AHDC1: variants seen among roughly 807,000 people sequenced by gnomAD.
The protein encoded by AHDC1 is transcription factor Gibbin.
In AHDC1, 7 loss-of-function variants were observed where a neutral mutation model predicts 87.9. The ratio of observed to expected loss-of-function variants is 0.08; its 90% CI spans 0.05 to 0.15. The LOEUF is 0.15. AHDC1 is among the 10% of genes least tolerant of loss of function. The pLI is 1.00. For missense variants in AHDC1, 1,841 were observed against 2,253.2 expected (o/e 0.82, Z 3.70); for synonymous variants, 1,051 against 1,006.8 (o/e 1.04, Z -0.83).
chr1:27,597,814 T>A (rs2089418708), intron 3 of AHDC1, among the ~76,000 whole-genome samples: 2 of 152,048 alleles, frequency 1.3e-5, no homozygotes, highest in African/African-American at 4.8e-5. Context: ...CCTTTCTTTA[T>A]CTCTTCCTGT....
At position 27,551,132 on chromosome 1, in the gene AHDC1, C is replaced by T; in HGVS notation, c.984G>A (p.Leu328=). ...DTLPDSLESQ[L]LDPQALDPLP... is the part of the protein sequence containing the mutation. Reference sequence around the variant, plus strand: ...GGGGGTCGAGTGCCTGGGGGTCAAGCAGCTGCGACTCCAAGGAGTCAGGCA... The same window carrying T: ...GGGGGTCGAGTGCCTGGGGGTCAAGTAGCTGCGACTCCAAGGAGTCAGGCA... Residue 328 remains leucine, a synonymous_variant, in exon 8 of 9, where the codon CTG becomes CTA. Transcript: ENST00000673934. The T allele has an allele frequency of 6.3e-7, 1 of 1,594,744 alleles. No individual in the cohort carries two copies. Among genetic ancestry groups the T allele is most frequent in the Non-Finnish European group, 8.5e-7 (1 of 1,170,752 alleles).
Position 27,590,182 on chromosome 1 carries a change from C to T in AHDC1, c.-629+13215G>A, listed in dbSNP as rs1255337882. Among the ~76,000 whole-genome samples, 1 of 152,198 alleles carries T rather than the reference C, an allele frequency of 6.6e-6. No homozygotes were observed. The highest frequency in any genetic ancestry group is 1.9e-4 in the East Asian group (1 of 5,192). On this transcript the variant is annotated intron_variant, in intron 3 of 8. Transcript: ENST00000673934. This position sits in a 1 kb window ranked among gnomAD's most constrained non-coding sequence, Gnocchi z 5.4. ...TTTTCCATCTCTCAGCAACAAGATT[C>T]CTGGTGAGCAGGCTGCGGGGTTTGG... is the stretch of plus-strand genomic sequence containing the variant.
At position 27,558,781 on chromosome 1, in the gene AHDC1, C is replaced by A; in HGVS notation, c.-526G>T. On this transcript the variant is annotated 5_prime_UTR_variant, in exon 4 of 9. Transcript: ENST00000673934. This position sits in a 1 kb window ranked among gnomAD's most constrained non-coding sequence, Gnocchi z 5.6. ...ATCAGCATCTCCAGGGTGGTCTCTG[C>A]AACGGCCTGAGCGTCGCCCCGCACT... 2.5e-6 allele frequency: 1 copy of A among 398,690 alleles called. No homozygotes were observed. Among genetic ancestry groups the A allele is most frequent in the Non-Finnish European group, 4.4e-6 (1 of 226,092 alleles). The allele number at this position is 398,690 out of a possible 1,614,324, so 24.7% of individuals were successfully genotyped here. A position where few individuals can be genotyped will look rare whatever the true frequency, so the allele number is the denominator to read the frequency against.
At chr1:27,580,667 G>A (rs1197142685) in intron 3 of AHDC1, among the ~76,000 whole-genome samples, 1 of 152,158 alleles carries the variant, frequency 6.6e-6, no homozygotes, top group African/African-American at 2.4e-5. Flanking sequence ...TATTTCACAG[G>A]TTGTTGTATA....
At chr1:27,553,741 C>T (rs866447182) in intron 5 of AHDC1, among the ~76,000 whole-genome samples, 10 of 152,230 alleles carry the variant, frequency 6.6e-5, no homozygotes, top group African/African-American at 2.2e-4. Flanking sequence ...ACACTCAGAA[C>T]AGCACATGGC....
intron 3 of AHDC1, among the ~76,000 whole-genome samples, chr1:27,574,806 T>G (rs1329519123): frequency 6.6e-6 from 1 of 152,158 alleles, no homozygotes; most frequent in Non-Finnish European, 1.5e-5. Flanking sequence ...ACCTCTTTCC[T>G]TCCCCAAGCC....
At chr1:27,564,511 A>G (rs901168301) in intron 3 of AHDC1, among the ~76,000 whole-genome samples, 1 of 152,174 alleles carries the variant, frequency 6.6e-6, no homozygotes, top group African/African-American at 2.4e-5. Context: ...AAGAAATGGG[A>G]AGCTTCTGAT....
At chr1:27,566,487 C>T (rs1217284123) in intron 3 of AHDC1, among the ~76,000 whole-genome samples, 2 of 151,844 alleles carry the variant, frequency 1.3e-5, no homozygotes, top group East Asian at 3.9e-4. Context: ...GAGGAGTCTG[C>T]ACAGACAGGC....
chr1:27,571,714 C>T (rs921551411), intron 3 of AHDC1, among the ~76,000 whole-genome samples: 3 of 152,126 alleles, frequency 2.0e-5, no homozygotes, highest in African/African-American at 7.2e-5. Context: ...GGGGCTGGCC[C>T]CCAGCCCCCT....
chr1:27,547,955 G>A lies in AHDC1; in HGVS notation c.4161C>T (p.Pro1387=), dbSNP rs764216089. 2 of 1,596,518 alleles carry A rather than the reference G, an allele frequency of 1.3e-6. No individual in the cohort carries two copies. Among genetic ancestry groups the A allele is most frequent in the South Asian group, 1.1e-5 (1 of 89,090 alleles). ...TCTGCAGGCCGGCGTCAAACACCGT[G>A]GGTGGGTGGGCCAGCGGTGGGAAAT... ...GKHFPPLAHP[P]TVFDAGLQKA... The change falls in exon 8 of 9, where the codon CCC becomes CCT. Residue 1387 remains proline (P), a synonymous_variant. Transcript: ENST00000673934. The surrounding 1 kb of genome is among the most constrained non-coding windows in gnomAD (Gnocchi z 4.9).
intron 3 of AHDC1, among the ~76,000 whole-genome samples, chr1:27,602,802 T>C (rs1202337743): frequency 2.0e-5 from 3 of 150,970 alleles, no homozygotes; most frequent in African/African-American, 7.3e-5. Context: ...CGCCCCCAAA[T>C]CCCTCCTCCG....
chr1:27,594,000 G>A lies in AHDC1; in HGVS notation c.-629+9397C>T, dbSNP rs1039010001. Among the ~76,000 whole-genome samples the A allele has an allele frequency of 7.9e-5, 12 of 152,160 alleles. No individual in the cohort carries two copies. The highest frequency in any genetic ancestry group is 2.7e-4 in the African/African-American group (11 of 41,414). ...CACGAGGGACCTCTAGGAAAGAGAA[G>A]GGATTTGGGGGCTGTGAGCAATACC... On this transcript the variant is annotated intron_variant, in intron 3 of 8. Coordinates refer to ENST00000673934, the MANE Select transcript of AHDC1 (RefSeq NM_001371928.1). This position sits in a 1 kb window ranked among gnomAD's most constrained non-coding sequence, Gnocchi z 4.9.
chr1:27,566,044 C>T (rs987376912), intron 3 of AHDC1, among the ~76,000 whole-genome samples: 6 of 152,176 alleles, frequency 3.9e-5, no homozygotes, highest in African/African-American at 1.4e-4. Flanking sequence ...TGGAGCCCTG[C>T]CCCCTGCACC....
rs954647610 is a variant in AHDC1 at position 27,561,354 on chromosome 1, A to C, written c.-628-2471T>G. Among the ~76,000 whole-genome samples, 4 of 147,394 alleles carry C rather than the reference A, an allele frequency of 2.7e-5. No individual in the cohort carries two copies. Among genetic ancestry groups the C allele is most frequent in the East Asian group, 1.9e-4 (1 of 5,178 alleles). On this transcript the variant is annotated intron_variant, in intron 3 of 8. Coordinates refer to ENST00000673934, the MANE Select transcript of AHDC1 (RefSeq NM_001371928.1). The surrounding 1 kb of genome is among the most constrained non-coding windows in gnomAD (Gnocchi z 4.2). The stretch of plus-strand genomic sequence containing the variant: ...GCCTGGCCCTGAGTGTTGGGGGGGA[A>C]CTTCAGGAGCAAAGCTGCCCTTAGC...
chr1:27,559,010 C>T (rs974144893), intron 3 of AHDC1, 127 bp from the exon 4 acceptor site: 15 of 397,252 alleles, frequency 3.8e-5, no homozygotes, highest in Non-Finnish European at 5.8e-5. Flanking sequence ...CCTCCAACCT[C>T]ATCGCATTAT....
At chr1:27,587,604 T>G (rs1358411046) in intron 3 of AHDC1, among the ~76,000 whole-genome samples, 2 of 152,192 alleles carry the variant, frequency 1.3e-5, no homozygotes, top group African/African-American at 4.8e-5. Context: ...CTCTCTGCTG[T>G]CTGTGTGATA....
intron 3 of AHDC1, among the ~76,000 whole-genome samples, chr1:27,586,268 G>A (rs1214257480): frequency 5.9e-5 from 9 of 152,120 alleles, no homozygotes; most frequent in African/African-American, 2.2e-4. Flanking sequence ...AAGCAGACCT[G>A]GGCGAGAAGA....
chr1:27,571,615 G>T (rs528684317), intron 3 of AHDC1, among the ~76,000 whole-genome samples: 2 of 152,096 alleles, frequency 1.3e-5, no homozygotes, highest in African/African-American at 2.4e-5. Context: ...CAAGGAGGGG[G>T]GGGTGGCTGC....
At chr1:27,566,024 G>C (rs1011245446) in intron 3 of AHDC1, among the ~76,000 whole-genome samples, 4 of 152,160 alleles carry the variant, frequency 2.6e-5, no homozygotes, top group African/African-American at 9.7e-5. Flanking sequence ...GGGATCCTTT[G>C]GGGTGACTCT....
Sources: gnomAD v4.1 joint callset for allele counts (sites outside exome capture counted in the v4.1 genomes callset) on GRCh38, gnomAD v4.1.1 for gene constraint, Gnocchi (gnomAD v3.1) non-coding constraint, MANE v1.5 for transcripts, NCBI Gene and HGNC (gene_info 2026-07-23, HGNC 2026-07-21) for gene names.